The following ITPRID1 variants were observed in gnomAD, a reference collection of about 807,000 sequenced individuals.
ITPRID1 encodes the protein ITPR interacting domain containing 1.
Under a neutral mutation model 95.4 loss-of-function variants are expected in ITPRID1, and 96 were observed. The observed-to-expected ratio is 1.01, with a 90% CI of 0.85 to 1.19. The LOEUF (loss-of-function observed/expected upper bound fraction) is 1.19, where lower values mean the gene tolerates loss of function less well. Among genes scored for constraint, ITPRID1 ranks in the 50% most tolerant of loss-of-function variants. The pLI is 0.00. For missense variants in ITPRID1, 1,339 were observed against 1,252.9 expected (o/e 1.07, Z -1.04); for synonymous variants, 510 against 453.6 (o/e 1.12, Z -1.58).
chr7:31,554,659 A>G, intron 4 of ITPRID1, 136 bp downstream of exon 4: 2 of 1,152,658 alleles, frequency 1.7e-6, no homozygotes, highest in Non-Finnish European at 2.5e-6. Context: ...GTATTATTCT[A>G]TTATTGTAAA....
At chr7:31,592,598 T>C in intron 10 of ITPRID1, among the ~76,000 whole-genome samples, 1 of 152,194 alleles carries the variant, frequency 6.6e-6, no homozygotes, top group East Asian at 1.9e-4. Flanking sequence ...CAGATCATCA[T>C]AAGGAGCACA....
At chr7:31,620,310 G>T (rs1008936426) in intron 10 of ITPRID1, among the ~76,000 whole-genome samples, 7 of 151,964 alleles carry the variant, frequency 4.6e-5, no homozygotes, top group Non-Finnish European at 8.8e-5. Context: ...GCCTCCTCAA[G>T]TGGGTCCCTG....
At position 31,570,442 on chromosome 7, in the gene ITPRID1, C is replaced by T. The variant is rs1202755412; in HGVS notation, c.308+633C>T. Among the ~76,000 whole-genome samples, 4 of 152,330 alleles carry T rather than the reference C, an allele frequency of 2.6e-5. No individual in the cohort carries two copies. In the East Asian group the frequency reaches 7.7e-4, roughly 29 times the overall value. On this transcript the variant is annotated intron_variant, in intron 6 of 14. Coordinates refer to ENST00000615280, the MANE Select transcript of ITPRID1 (RefSeq NM_001257967.3). ...AAAAACCACTGGAATAGACTATGAGCTCTTTCAGGTTAGGAACTCCCCTTC... is the reference window on the plus strand; with the variant it reads ...AAAAACCACTGGAATAGACTATGAGTTCTTTCAGGTTAGGAACTCCCCTTC...
In ITPRID1 at chr7:31,643,131, C is replaced by T. The variant is rs1427638553; in HGVS notation, c.1761C>T (p.Gly587=). The T allele has an allele frequency of 1.9e-6, 3 of 1,613,922 alleles. 1 individual carries two copies. In the Admixed American group the frequency reaches 5.0e-5, roughly 27 times the overall value. The change falls in exon 12 of 15, where the codon GGC becomes GGT. Residue 587 remains glycine (G), a synonymous_variant. Coordinates refer to ENST00000615280, the MANE Select transcript of ITPRID1 (RefSeq NM_001257967.3). ...QDSFVRPEGA[G]KVQSHHNESQ... is the part of the protein sequence containing the mutation. ...GTTTTGTGAGGCCTGAGGGAGCTGG[C>T]AAAGTGCAAAGCCACCACAATGAGT...
At chr7:31,553,960 C>A (rs1348853935) in intron 3 of ITPRID1, among the ~76,000 whole-genome samples, 1 of 152,152 alleles carries the variant, frequency 6.6e-6, no homozygotes, top group African/African-American at 2.4e-5. Flanking sequence ...ACACAGGGTG[C>A]CTTTGGCAAT....
At chr7:31,528,638 T>C (rs1294058332) in intron 1 of ITPRID1, among the ~76,000 whole-genome samples, 3 of 152,158 alleles carry the variant, frequency 2.0e-5, no homozygotes, top group Non-Finnish European at 4.4e-5. Context: ...GGCTAGTTTA[T>C]AGGGCTAGAA....
At chr7:31,637,087 T>C (rs1372196742) in intron 10 of ITPRID1, among the ~76,000 whole-genome samples, 1 of 152,104 alleles carries the variant, frequency 6.6e-6, no homozygotes, top group Non-Finnish European at 1.5e-5. Context: ...TATGGCTGCA[T>C]AGAATTCCAT....
At chr7:31,546,210 A>C (rs1384282451) in intron 1 of ITPRID1, among the ~76,000 whole-genome samples, 1 of 152,162 alleles carries the variant, frequency 6.6e-6, no homozygotes, top group Admixed American at 6.6e-5. Context: ...TTACTGATTA[A>C]TTAAAAATAA....
intron 10 of ITPRID1, among the ~76,000 whole-genome samples, chr7:31,632,240 C>T (rs10278930): frequency 2.6e-5 from 4 of 151,862 alleles, no homozygotes; most frequent in Admixed American, 6.6e-5. Context: ...TGAGGTCAGG[C>T]GATCAAGACC....
intron 10 of ITPRID1, among the ~76,000 whole-genome samples, chr7:31,609,572 C>T (rs1470168716): frequency 6.6e-6 from 1 of 151,522 alleles, no homozygotes; most frequent in East Asian, 1.9e-4. Context: ...TCACCAGAGT[C>T]ATCTAATTTG....
intron 1 of ITPRID1, among the ~76,000 whole-genome samples, chr7:31,539,942 T>C (rs1377792713): frequency 6.6e-6 from 1 of 152,106 alleles, no homozygotes; most frequent in African/African-American, 2.4e-5. Flanking sequence ...GGAGATGTTA[T>C]TTATGGTTTA....
intron 5 of ITPRID1, among the ~76,000 whole-genome samples, chr7:31,564,815 C>T (rs1012184392): frequency 6.6e-6 from 1 of 152,126 alleles, no homozygotes; most frequent in Non-Finnish European, 1.5e-5. Context: ...AGGTTGCCTT[C>T]AACAGATTGC....
At chr7:31,658,650 C>G (rs1284537363), downstream of ITPRID1, 1 of 208,898 alleles carries the variant, frequency 4.8e-6, no homozygotes. Context: ...ATTGAGAGAA[C>G]AGGAACAGAA....
At chr7:31,607,739 T>TC (rs1289652303) in intron 10 of ITPRID1, among the ~76,000 whole-genome samples, 1 of 38,892 alleles carries the variant, frequency 2.6e-5, no homozygotes. Flanking sequence ...ATTTTCTTTT[T>TC]CAAAAAAATC....
intron 10 of ITPRID1, among the ~76,000 whole-genome samples, chr7:31,635,117 A>G (rs1037590324): frequency 6.6e-6 from 1 of 152,168 alleles, no homozygotes; most frequent in African/African-American, 2.4e-5. Context: ...TAAATGATGT[A>G]CATTTGTATT....
intron 5 of ITPRID1, among the ~76,000 whole-genome samples, chr7:31,562,875 A>G (rs959209055): frequency 6.6e-6 from 1 of 152,086 alleles, no homozygotes; most frequent in Non-Finnish European, 1.5e-5. Context: ...CATATTCTCC[A>G]TAAGACCTTC....
chr7:31,530,438 C>T (rs940519749), intron 1 of ITPRID1, among the ~76,000 whole-genome samples: 3 of 152,068 alleles, frequency 2.0e-5, no homozygotes, highest in African/African-American at 7.2e-5. Context: ...TTAGGATGCC[C>T]AGTGACATTT....
Position 31,553,202 on chromosome 7 carries a change from C to A in ITPRID1, c.163+15C>A, listed in dbSNP as rs765700053. On this transcript the variant is annotated intron_variant, in intron 3 of 14. Coordinates refer to ENST00000615280, the MANE Select transcript of ITPRID1 (RefSeq NM_001257967.3). Reference sequence around the variant, plus strand: ...CCCCATGCTGGGTGAGAAGGACTCTCAGGCCTATTTGAAAACATTCCTCTG... The same window carrying A: ...CCCCATGCTGGGTGAGAAGGACTCTAAGGCCTATTTGAAAACATTCCTCTG... 3.9e-6 allele frequency: 6 copies of A among 1,556,246 alleles called. No homozygotes were observed. Among genetic ancestry groups the A allele is most frequent in the Non-Finnish European group, 5.2e-6 (6 of 1,149,810 alleles).
chr7:31,638,006 A>C (rs924737067), intron 10 of ITPRID1, among the ~76,000 whole-genome samples: 13 of 152,292 alleles, frequency 8.5e-5, no homozygotes, highest in African/African-American at 3.1e-4. Flanking sequence ...CAGGAAGTTC[A>C]TGTGGAAAAT....
Sources: allele counts gnomAD v4.1 joint callset (sites outside exome capture counted in the v4.1 genomes callset), GRCh38; gene constraint gnomAD v4.1.1; transcripts MANE v1.5; gene names NCBI Gene and HGNC (gene_info 2026-07-23, HGNC 2026-07-21).